The following CSMD2 variants were observed in gnomAD, a reference collection of about 807,000 sequenced individuals.
The protein encoded by CSMD2 is CUB and Sushi multiple domains 2, also known as CUB and sushi domain-containing protein 2.
CSMD2 carries 130 observed loss-of-function variants against 398.5 expected under a neutral mutation model. That is an observed-to-expected ratio of 0.33 (90% CI 0.28 to 0.38). The LOEUF is 0.38. CSMD2 is among the 10% of genes least tolerant of loss of function. CSMD2 has a pLI of 1.00. For missense variants in CSMD2, 3,829 were observed against 4,764.9 expected, an observed-to-expected ratio of 0.80 and a Z score of 5.78; for synonymous variants, 1,828 against 1,908.5, an observed-to-expected ratio of 0.96 and a Z score of 1.10.
At chr1:33,711,680 C>T (rs564983025) in intron 21 of CSMD2, among the ~76,000 whole-genome samples, 23 of 152,312 alleles carry the variant, frequency 1.5e-4, no homozygotes, top group African/African-American at 4.1e-4. Flanking sequence ...TGCCCTCTGC[C>T]TAATTCTCGA....
Position 33,719,397 on chromosome 1 carries a change from G to A in CSMD2, c.3002-2896C>T, listed in dbSNP as rs1646280770. On this transcript the variant is annotated intron_variant, in intron 19 of 70. Transcript: ENST00000373381. ...TTCCAAAGGGGTAAACATTTGGCTGGGATTCTAAGGATGAGCAAACATCTG... is the reference window on the plus strand; with the variant it reads ...TTCCAAAGGGGTAAACATTTGGCTGAGATTCTAAGGATGAGCAAACATCTG... Among the ~76,000 whole-genome samples, 4 of 152,302 alleles carry A rather than the reference G, an allele frequency of 2.6e-5. No homozygotes were observed. In the South Asian group the frequency reaches 8.3e-4, roughly 32 times the overall value.
At chr1:34,033,597 T>C (rs1010483837) in intron 2 of CSMD2, among the ~76,000 whole-genome samples, 3 of 152,324 alleles carry the variant, frequency 2.0e-5, no homozygotes, top group Admixed American at 2.0e-4. Context: ...CATAGTGAGG[T>C]GGCCAGTCTC....
chr1:33,778,043 G>A (rs1263163252), intron 12 of CSMD2, among the ~76,000 whole-genome samples: 1 of 152,112 alleles, frequency 6.6e-6, no homozygotes, highest in Non-Finnish European at 1.5e-5. Context: ...TATTCCCCTG[G>A]CTTGAGCTTC....
At chr1:33,857,786 T>C (rs376700747) in intron 5 of CSMD2, among the ~76,000 whole-genome samples, 1 of 152,100 alleles carries the variant, frequency 6.6e-6, no homozygotes, top group Non-Finnish European at 1.5e-5. Context: ...AAAGAAGGAA[T>C]GTGCTCAAAA....
At chr1:33,851,004 C>T (rs985005965) in intron 5 of CSMD2, among the ~76,000 whole-genome samples, 3 of 152,046 alleles carry the variant, frequency 2.0e-5, no homozygotes, top group Admixed American at 2.0e-4. Flanking sequence ...TGAGAGATAC[C>T]CCCATCAAGA....
rs970981911 is a variant in CSMD2, at chr1:33,537,428, C to T, written c.9805+8G>A. The stretch of plus-strand genomic sequence containing the variant: ...CCAAGACGCTCCCTGCTCCAGATGA[C>T]CTCTCACCTATGCAGCTGGGCTGGG... On this transcript the variant is annotated splice_region_variant and intron_variant, in intron 61 of 70. Transcript: ENST00000373381. The surrounding 1 kb of genome is among the most constrained non-coding windows in gnomAD (Gnocchi z 4.6). 5.6e-6 allele frequency: 9 copies of T among 1,608,014 alleles called. No individual in the cohort carries two copies. In the African/African-American group the frequency reaches 1.1e-4, roughly 19 times the overall value.
chr1:33,611,265 G>A lies in CSMD2; in HGVS notation c.6134-15C>T, dbSNP rs1354523212. The A allele has an allele frequency of 1.2e-6, 2 of 1,608,752 alleles. No homozygotes were observed. Among genetic ancestry groups the A allele is most frequent in the African/African-American group, 1.3e-5 (1 of 74,784 alleles). ...GATGTGAGCTCCTGGGAGCAAGACA[G>A]AGGCAGACAGTGCCCAAAGCAACAC... On this transcript the variant is annotated splice_polypyrimidine_tract_variant and intron_variant, in intron 40 of 70. Coordinates refer to ENST00000373381, the MANE Select transcript of CSMD2 (RefSeq NM_001281956.2).
intron 4 of CSMD2, among the ~76,000 whole-genome samples, chr1:33,918,907 C>T (rs111248954): frequency 0.017 from 2,599 of 152,274 alleles, 34 homozygotes; most frequent in Non-Finnish European, 0.025. Flanking sequence ...CAGTAACTAG[C>T]ATTAGCCAGT....
intron 7 of CSMD2, among the ~76,000 whole-genome samples, chr1:33,824,098 T>TG (rs1658507366): frequency 6.6e-6 from 1 of 152,188 alleles, no homozygotes; most frequent in Non-Finnish European, 1.5e-5. Context: ...CATTAGTGTC[T>TG]GGGGTAACAT....
rs185476105 is a variant in CSMD2, at chr1:33,714,843, C to T, written c.3218-68G>A. 2.0e-4 allele frequency: 300 copies of T among 1,513,200 alleles called. 1 individual carries two copies. The East Asian group carries it at 3.7e-3, about 19-fold the overall frequency. The allele number at this position is 1,513,200 out of a possible 1,614,324, so 93.7% of individuals were successfully genotyped here. On this transcript the variant is annotated intron_variant, in intron 20 of 70. Transcript: ENST00000373381. Reference sequence around the variant, plus strand: ...GAGACACAAAGCAAAAAGATGGGAACGCACAGGCAAAACACCAGGGGGAAA... The same window carrying T: ...GAGACACAAAGCAAAAAGATGGGAATGCACAGGCAAAACACCAGGGGGAAA...
At chr1:34,065,502 G>C (rs1056171462) in intron 2 of CSMD2, among the ~76,000 whole-genome samples, 2 of 152,148 alleles carry the variant, frequency 1.3e-5, no homozygotes, top group African/African-American at 4.8e-5. Flanking sequence ...CCTAAGCAGG[G>C]CCGGCTGCAC....
intron 15 of CSMD2, among the ~76,000 whole-genome samples, chr1:33,727,723 C>T (rs1379316792): frequency 6.6e-6 from 1 of 152,170 alleles, no homozygotes; most frequent in East Asian, 1.9e-4. Context: ...GCAGACATCC[C>T]TGATGACCCA....
At position 33,725,253 on chromosome 1, in the gene CSMD2, G is replaced by A. The variant is rs935819020; in HGVS notation, c.2695+96C>T. 9.6e-6 allele frequency: 10 copies of A among 1,039,788 alleles called. No individual in the cohort carries two copies. In the Admixed American group the frequency reaches 1.6e-4, roughly 16 times the overall value. The allele number at this position is 1,039,788 out of a possible 1,614,324, so 64.4% of individuals were successfully genotyped here. A position where few individuals can be genotyped will look rare whatever the true frequency, so the allele number is the denominator to read the frequency against. On this transcript the variant is annotated intron_variant, in intron 17 of 70. Transcript: ENST00000373381. ...CTAGCCAAGAACACCATGGGGATGG[G>A]GCCAAGCAGGGGCCTGTGGTGGAGC...
chr1:34,155,873 T>C (rs1640766626), intron 1 of CSMD2, among the ~76,000 whole-genome samples: 1 of 152,238 alleles, frequency 6.6e-6, no homozygotes, highest in South Asian at 2.1e-4. Context: ...ACACTGTGTA[T>C]TATTATCCCC....
chr1:34,092,882 A>C (rs893853144), intron 1 of CSMD2, among the ~76,000 whole-genome samples: 2 of 152,018 alleles, frequency 1.3e-5, no homozygotes, highest in African/African-American at 4.8e-5. Context: ...GCAGCCGGAA[A>C]GCTCGAACTG....
At chr1:34,054,266 T>G (rs1392938340) in intron 2 of CSMD2, among the ~76,000 whole-genome samples, 15 of 152,204 alleles carry the variant, frequency 9.9e-5, no homozygotes, top group Admixed American at 1.3e-4. Flanking sequence ...GGAACAGAGA[T>G]GGCATACTGA....
At chr1:33,738,202 A>C (rs1367999330) in intron 15 of CSMD2, among the ~76,000 whole-genome samples, 1 of 152,182 alleles carries the variant, frequency 6.6e-6, no homozygotes, top group African/African-American at 2.4e-5. Flanking sequence ...TTAAGTCTCT[A>C]TCCTCTTTCT....
intron 25 of CSMD2, 42 bp downstream of exon 25, chr1:33,692,887 CT>C: frequency 6.2e-7 from 1 of 1,602,722 alleles, no homozygotes; most frequent in Non-Finnish European, 8.5e-7. Flanking sequence ...GATGGCTCCC[CT>C]GAACAACTGG....
At chr1:33,647,008 C>T (rs1439286918) in intron 28 of CSMD2, among the ~76,000 whole-genome samples, 173 bp from the exon 29 acceptor site, 1 of 152,112 alleles carries the variant, frequency 6.6e-6, no homozygotes, top group East Asian at 1.9e-4. Context: ...GCCCTGATGA[C>T]CTCAGTCAGG....
Sources: allele counts gnomAD v4.1 joint callset (sites outside exome capture counted in the v4.1 genomes callset), GRCh38; gene constraint gnomAD v4.1.1; non-coding constraint Gnocchi (gnomAD v3.1); transcripts MANE v1.5; gene names NCBI Gene and HGNC (gene_info 2026-07-23, HGNC 2026-07-21).